COL23A1: variants seen among roughly 807,000 people sequenced by gnomAD.
The protein encoded by COL23A1 is collagen alpha-1(XXIII) chain.
COL23A1 carries 97 observed loss-of-function variants against 99.3 expected under a neutral mutation model. That is an observed-to-expected ratio of 0.98 (90% CI 0.83 to 1.16). The LOEUF is 1.16. Ranked by LOEUF, COL23A1 falls within the 50% of genes most tolerant of loss-of-function variation. The probability of loss-of-function intolerance (pLI) is 0.00; values close to 1 mark genes in which losing one functional copy is unlikely to be tolerated. For missense variants in COL23A1, 762 were observed against 757.4 expected, an observed-to-expected ratio of 1.01 and a Z score of -0.07; for synonymous variants, 320 against 308.2, an observed-to-expected ratio of 1.04 and a Z score of -0.40.
intron 2 of COL23A1, among the ~76,000 whole-genome samples, chr5:178,528,080 C>G (rs1760415848): frequency 6.6e-6 from 1 of 152,222 alleles, no homozygotes. Context: ...CTGTGCACCT[C>G]AGATGCGGTT....
intron 2 of COL23A1, among the ~76,000 whole-genome samples, chr5:178,424,967 A>T (rs1765831476): frequency 1.3e-5 from 2 of 152,210 alleles, no homozygotes; most frequent in South Asian, 4.1e-4. Context: ...CTGTCAGGGA[A>T]GCGAGCGCCC....
intron 2 of COL23A1, among the ~76,000 whole-genome samples, chr5:178,482,234 T>C (rs1351210702): frequency 6.6e-6 from 1 of 152,020 alleles, no homozygotes; most frequent in Non-Finnish European, 1.5e-5. Flanking sequence ...TAACCAATTG[T>C]GGTGTATACA....
chr5:178,412,138 A>G (rs1243786479), intron 2 of COL23A1, among the ~76,000 whole-genome samples: 1 of 152,226 alleles, frequency 6.6e-6, no homozygotes, highest in African/African-American at 2.4e-5. Context: ...GGAGTGGTTG[A>G]AATAAATCAT....
Position 178,490,190 on chromosome 5 carries a change from C to T in COL23A1, c.361+70492G>A, listed in dbSNP as rs1210414923. Among the ~76,000 whole-genome samples, 3 of 151,974 alleles carry T rather than the reference C, an allele frequency of 2.0e-5. No individual in the cohort carries two copies. The East Asian group carries it at 5.8e-4, about 29-fold the overall frequency. On this transcript the variant is annotated intron_variant, in intron 2 of 28. Transcript: ENST00000390654. The stretch of plus-strand genomic sequence containing the variant: ...GCAGTAAGCCGAGATCACACAACTG[C>T]ACTCTAGCCTGGGCAACAAGAGTGA...
chr5:178,502,171 G>A lies in COL23A1; in HGVS notation c.361+58511C>T, dbSNP rs529338496. Among the ~76,000 whole-genome samples, 15 of 152,214 alleles carry A rather than the reference G, an allele frequency of 9.9e-5. No homozygotes were observed. In the South Asian group the frequency reaches 1.0e-3, roughly 11 times the overall value. On this transcript the variant is annotated intron_variant, in intron 2 of 28. Transcript: ENST00000390654. The stretch of plus-strand genomic sequence containing the variant: ...TCTTGAGATGGAGTCTCGCTCTGTC[G>A]CCCAGGCTGGAGTGCAGTGGCGTGA...
chr5:178,572,682 C>T (rs1402425791), intron 1 of COL23A1, among the ~76,000 whole-genome samples: 2 of 152,124 alleles, frequency 1.3e-5, no homozygotes, highest in Non-Finnish European at 2.9e-5. Context: ...GTATTTACAT[C>T]CAAGAGAAAT....
intron 2 of COL23A1, among the ~76,000 whole-genome samples, chr5:178,522,120 G>A (rs774871631): frequency 3.3e-4 from 50 of 152,152 alleles, no homozygotes; most frequent in Non-Finnish European, 7.3e-5. Flanking sequence ...AAAGAACTTT[G>A]TGCCATATAA....
chr5:178,580,430 AC>A (rs889464811), intron 1 of COL23A1, among the ~76,000 whole-genome samples: 66 of 151,658 alleles, frequency 4.4e-4, no homozygotes, highest in South Asian at 4.2e-4. Flanking sequence ...CTCTAGAAGT[AC>A]GCCGACACGT....
At chr5:178,485,040 G>A (rs532209504) in intron 2 of COL23A1, among the ~76,000 whole-genome samples, 13 of 152,258 alleles carry the variant, frequency 8.5e-5, no homozygotes, top group African/African-American at 3.1e-4. Context: ...TACGGCTCTG[G>A]CAATCTTGAC....
chr5:178,522,435 G>A (rs565510118), intron 2 of COL23A1, among the ~76,000 whole-genome samples: 8 of 152,238 alleles, frequency 5.3e-5, no homozygotes, highest in Middle Eastern at 6.8e-3. Flanking sequence ...CCCTAGGACC[G>A]GGGAATAACT....
At chr5:178,587,452 T>C (rs1296150659) in intron 1 of COL23A1, among the ~76,000 whole-genome samples, 1 of 152,194 alleles carries the variant, frequency 6.6e-6, no homozygotes. Flanking sequence ...TGGCTTTTGT[T>C]GGCTTCTTTC....
chr5:178,518,855 G>C (rs1259129501), intron 2 of COL23A1, among the ~76,000 whole-genome samples: 2 of 149,514 alleles, frequency 1.3e-5, no homozygotes, highest in African/African-American at 4.9e-5. Context: ...CCTCCCGGGC[G>C]GCGCTCGCCG....
rs1756837761 is a variant in COL23A1, at chr5:178,280,475, G to C, written c.441+7849C>G. On this transcript the variant is annotated intron_variant, in intron 5 of 28. Coordinates refer to ENST00000390654, the MANE Select transcript of COL23A1 (RefSeq NM_173465.4). The surrounding 1 kb of genome is among the most constrained non-coding windows in gnomAD (Gnocchi z 4.9). The stretch of plus-strand genomic sequence containing the variant: ...GACTATAGACCCCTGGGCCCATTCT[G>C]TCTCCACTGCATGGGCTGGACATCG... 3.3e-5 allele frequency among the ~76,000 whole-genome samples: 5 copies of C among 152,284 alleles called. No homozygotes were observed. In the South Asian group the frequency reaches 8.3e-4, roughly 25 times the overall value.
At chr5:178,543,560 G>C (rs551376026) in intron 2 of COL23A1, among the ~76,000 whole-genome samples, 6 of 152,208 alleles carry the variant, frequency 3.9e-5, no homozygotes, top group Non-Finnish European at 8.8e-5. Flanking sequence ...AATGCCTGGA[G>C]TGAGCCCCGG....
intron 2 of COL23A1, among the ~76,000 whole-genome samples, chr5:178,529,394 C>T (rs550165722): frequency 1.4e-4 from 22 of 152,098 alleles, no homozygotes; most frequent in African/African-American, 4.1e-4. Flanking sequence ...GGGAACTGCA[C>T]GTGGCGTGAC....
chr5:178,285,812 C>T (rs1442040982), intron 5 of COL23A1, among the ~76,000 whole-genome samples: 1 of 152,246 alleles, frequency 6.6e-6, no homozygotes, highest in Non-Finnish European at 1.5e-5. Flanking sequence ...AAATATACCC[C>T]AGGCTGAGAG....
chr5:178,326,781 G>A (rs188409799), intron 2 of COL23A1, among the ~76,000 whole-genome samples: 5 of 152,284 alleles, frequency 3.3e-5, no homozygotes, highest in South Asian at 2.1e-4. Context: ...GTGCAGTGGC[G>A]CGATTTCGGC....
chr5:178,301,476 G>C (rs1758028505), intron 3 of COL23A1, among the ~76,000 whole-genome samples: 2 of 151,986 alleles, frequency 1.3e-5, no homozygotes, highest in Non-Finnish European at 2.9e-5. Flanking sequence ...CTTTTTTACT[G>C]CCCTACTTTC....
intron 5 of COL23A1, among the ~76,000 whole-genome samples, chr5:178,272,884 C>T (rs1312342996): frequency 6.6e-6 from 1 of 152,132 alleles, no homozygotes; most frequent in Non-Finnish European, 1.5e-5. Context: ...AGGAGCTCTT[C>T]GTGGCCCCCA....
Sources: gnomAD v4.1 joint callset for allele counts (sites outside exome capture counted in the v4.1 genomes callset) on GRCh38, gnomAD v4.1.1 for gene constraint, Gnocchi (gnomAD v3.1) non-coding constraint, MANE v1.5 for transcripts, NCBI Gene and HGNC (gene_info 2026-07-23, HGNC 2026-07-21) for gene names.